Variants in SLC12A7 observed in about 807,000 individuals in gnomAD.
The protein encoded by SLC12A7 is K-Cl cotransporter 4.
SLC12A7 carries 100 observed loss-of-function variants against 120.6 expected under a neutral mutation model. The observed-to-expected ratio is 0.83, with a 90% CI of 0.71 to 0.98. The LOEUF is 0.98. Among genes scored for constraint, SLC12A7 ranks in the 50% least tolerant of loss-of-function variants. SLC12A7 has a pLI of 0.00. For synonymous variants in SLC12A7, 760 were observed against 678.0 expected (o/e 1.12, Z -1.88); for missense variants, 1,373 against 1,548.1 (o/e 0.89, Z 1.90).
chr5:1,085,222 C>A lies in SLC12A7; in HGVS notation c.917+10G>T. The A allele has an allele frequency of 6.2e-7, 1 of 1,611,658 alleles. No individual in the cohort carries two copies. The highest frequency in any genetic ancestry group is 1.3e-5 in the African/African-American group (1 of 75,028). On this transcript the variant is annotated intron_variant, in intron 7 of 23. Coordinates refer to ENST00000264930, the MANE Select transcript of SLC12A7 (RefSeq NM_006598.3). The stretch of plus-strand genomic sequence containing the variant: ...ACACCCACCCACGGCTCAGAGGCCC[C>A]GAGACTCACGGGATGTCCGGGGGGT...
rs114881363 is a variant in SLC12A7, at chr5:1,100,420, C to T, written c.125-6172G>A. Among the ~76,000 whole-genome samples, 1,523 of 152,366 alleles carry T rather than the reference C, an allele frequency of 1.0e-2. 24 individuals are homozygous for T. Among genetic ancestry groups the T allele is most frequent in the African/African-American group, 0.034 (1,434 of 41,592 alleles). On this transcript the variant is annotated intron_variant, in intron 1 of 23. Coordinates refer to ENST00000264930, the MANE Select transcript of SLC12A7 (RefSeq NM_006598.3). ...ATCTTTCCACAGCCTTTCAAAGGCTCGATGGTCTCGCAGCAGCCCCCAGGT... is the reference window on the plus strand; with the variant it reads ...ATCTTTCCACAGCCTTTCAAAGGCTTGATGGTCTCGCAGCAGCCCCCAGGT...
chr5:1,105,319 C>T (rs1353781710), intron 1 of SLC12A7, among the ~76,000 whole-genome samples: 1 of 147,816 alleles, frequency 6.8e-6, no homozygotes, highest in Admixed American at 6.7e-5. Context: ...ACCCTCCCCG[C>T]AGGGATGAGG....
chr5:1,122,723 C>T, the SLC12A7 span, among the ~76,000 whole-genome samples: 4 of 152,320 alleles, frequency 2.6e-5, no homozygotes, highest in Admixed American at 2.0e-4. Context: ...CCACACAGCT[C>T]CTTGGTGCTG....
chr5:1,056,913 C>G (rs1345947569), intron 22 of SLC12A7, among the ~76,000 whole-genome samples: 1 of 152,194 alleles, frequency 6.6e-6, no homozygotes, highest in African/African-American at 2.4e-5. Context: ...CCCTAAGGCC[C>G]GACAGCAGCC....
the SLC12A7 span, among the ~76,000 whole-genome samples, chr5:1,153,405 A>G: frequency 6.6e-6 from 1 of 152,206 alleles, no homozygotes; most frequent in African/African-American, 2.4e-5. Context: ...ATGAGTTCAG[A>G]CCTTCACCTG....
At chr5:1,053,176 C>G (rs1424060597) in intron 23 of SLC12A7, among the ~76,000 whole-genome samples, 173 bp downstream of exon 23, 3 of 152,208 alleles carry the variant, frequency 2.0e-5, no homozygotes, top group Non-Finnish European at 2.9e-5. Flanking sequence ...AACTCTGGCC[C>G]GGTCACCACT....
intron 17 of SLC12A7, among the ~76,000 whole-genome samples, chr5:1,067,899 G>A (rs529878303): frequency 5.4e-5 from 8 of 146,942 alleles, no homozygotes; most frequent in African/African-American, 1.1e-4. Flanking sequence ...GCACCGTGTC[G>A]GGGACCCTGT....
intron 18 of SLC12A7, 40 bp downstream of exon 18, chr5:1,065,243 G>A (rs896867684): frequency 6.9e-7 from 1 of 1,441,956 alleles, no homozygotes; most frequent in Non-Finnish European, 9.5e-7. Flanking sequence ...ACACAGAGGG[G>A]ACGGTGAGGG....
At chr5:1,085,786 C>A (rs1468044364) in intron 6 of SLC12A7, among the ~76,000 whole-genome samples, 1 of 152,230 alleles carries the variant, frequency 6.6e-6, no homozygotes, top group Non-Finnish European at 1.5e-5. Flanking sequence ...CACCCGGGAG[C>A]CTTAGAGTAA....
At chr5:1,110,422 A>G (rs1397607672) in intron 1 of SLC12A7, among the ~76,000 whole-genome samples, 1 of 152,240 alleles carries the variant, frequency 6.6e-6, no homozygotes. Flanking sequence ...CTGGGCAGAC[A>G]CAGGCCCAGG....
chr5:1,053,047 T>C (rs1054806925), intron 23 of SLC12A7, among the ~76,000 whole-genome samples: 6 of 152,204 alleles, frequency 3.9e-5, no homozygotes, highest in Non-Finnish European at 7.4e-5. Flanking sequence ...GCACAGCTGC[T>C]GTGGGGATGC....
chr5:1,066,118 C>T (rs1737026230), intron 17 of SLC12A7, among the ~76,000 whole-genome samples: 1 of 152,180 alleles, frequency 6.6e-6, no homozygotes, highest in Admixed American at 6.5e-5. Context: ...GGCCTCCCAC[C>T]CTCTGACCTT....
intron 17 of SLC12A7, among the ~76,000 whole-genome samples, chr5:1,067,952 G>T (rs900685271): frequency 6.6e-6 from 1 of 152,094 alleles, no homozygotes; most frequent in South Asian, 2.1e-4. Flanking sequence ...AGTCGCAGAG[G>T]CCTCCGTGCA....
intron 22 of SLC12A7, chr5:1,056,596 T>C (rs1735637368): frequency 2.0e-6 from 2 of 985,240 alleles, no homozygotes; most frequent in Non-Finnish European, 2.4e-6. Context: ...TTCCCCATTC[T>C]CTATGCAGGA....
At chr5:1,123,182 G>C in the SLC12A7 span, among the ~76,000 whole-genome samples, 1 of 152,204 alleles carries the variant, frequency 6.6e-6, no homozygotes, top group African/African-American at 2.4e-5. Flanking sequence ...ATAAGGTCTC[G>C]GGTGGCCTGT....
Position 1,051,944 on chromosome 5 carries a change from C to T in SLC12A7, c.*416G>A. 1 of 196,018 alleles carries T rather than the reference C, an allele frequency of 5.1e-6. No homozygotes were observed. The allele number at this position is 196,018 out of a possible 1,614,324, so 12.1% of individuals were successfully genotyped here. On this transcript the variant is annotated 3_prime_UTR_variant, in exon 24 of 24. Coordinates refer to ENST00000264930, the MANE Select transcript of SLC12A7 (RefSeq NM_006598.3). ...GACGTTTCACCTTCATCATCAGGGA[C>T]AGCTTCAGCTCCGGGTGCTCTTCCA...
upstream of SLC12A7, among the ~76,000 whole-genome samples, chr5:1,116,577 G>A (rs914484890): frequency 1.3e-5 from 2 of 152,122 alleles, no homozygotes; most frequent in Non-Finnish European, 2.9e-5. Flanking sequence ...CTGAGTCTTC[G>A]CTCAAGTTCC....
At chr5:1,113,723 G>T (rs1187288062), upstream of SLC12A7, among the ~76,000 whole-genome samples, 2 of 152,180 alleles carry the variant, frequency 1.3e-5, no homozygotes, top group Non-Finnish European at 2.9e-5. Flanking sequence ...GCATCCTTAT[G>T]AGGAGGGCTG....
At chr5:1,153,462 G>GT in the SLC12A7 span, among the ~76,000 whole-genome samples, 1 of 152,240 alleles carries the variant, frequency 6.6e-6, no homozygotes, top group South Asian at 2.1e-4. Context: ...CCATGGGCCA[G>GT]TGTGCTGGGC....
Sources: allele counts gnomAD v4.1 joint callset (sites outside exome capture counted in the v4.1 genomes callset), GRCh38; gene constraint gnomAD v4.1.1; transcripts MANE v1.5; gene names NCBI Gene and HGNC (gene_info 2026-07-23, HGNC 2026-07-21).